ITCH: variants seen among roughly 807,000 people sequenced by gnomAD.
ITCH encodes itchy E3 ubiquitin protein ligase, also known as E3 ubiquitin-protein ligase Itchy homolog.
In ITCH, 28 loss-of-function variants were observed where a neutral mutation model predicts 126.8. The observed-to-expected ratio is 0.22, with a 90% CI of 0.16 to 0.30. The LOEUF is 0.30. ITCH is among the 10% of genes least tolerant of loss of function. The pLI, the probability that ITCH is intolerant of heterozygous loss-of-function variation, is 1.00. For synonymous variants in ITCH, 342 were observed against 340.0 expected, an observed-to-expected ratio of 1.01 and a Z score of -0.06; for missense variants, 631 against 1,032.4, an observed-to-expected ratio of 0.61 and a Z score of 5.33.
intron 11 of ITCH, among the ~76,000 whole-genome samples, chr20:34,447,159 T>TCA (rs1984563991): frequency 6.8e-6 from 1 of 146,476 alleles, no homozygotes; most frequent in Non-Finnish European, 1.5e-5. Flanking sequence ...GATTTAGTAC[T>TCA]CAGAGTCTTT....
chr20:34,498,514 A>G (rs1199858309), intron 23 of ITCH, among the ~76,000 whole-genome samples: 1 of 152,212 alleles, frequency 6.6e-6, no homozygotes, highest in Admixed American at 6.5e-5. Context: ...TTCTGTGCCT[A>G]ACTTGTTGAG....
intron 3 of ITCH, chr20:34,401,589 C>G (rs2038885845): frequency 1.1e-6 from 1 of 934,388 alleles, no homozygotes; most frequent in Non-Finnish European, 1.3e-6. Context: ...TTAAATGAGG[C>G]ATTTACTATA....
chr20:34,463,248 G>A lies in ITCH; in HGVS notation c.1424+1027G>A, dbSNP rs566363165. ...CATGGTGGCGCACACCTGTAATCCCGGCTACTCGGGAGTGTGAGGCAGGAG... is the reference window on the plus strand; with the variant it reads ...CATGGTGGCGCACACCTGTAATCCCAGCTACTCGGGAGTGTGAGGCAGGAG... On this transcript the variant is annotated intron_variant, in intron 14 of 24. Transcript: ENST00000374864. 8.5e-5 allele frequency among the ~76,000 whole-genome samples: 13 copies of A among 152,186 alleles called. No homozygotes were observed. In the South Asian group the frequency reaches 1.2e-3, roughly 15 times the overall value.
At chr20:34,418,152 A>G (rs553756714) in intron 6 of ITCH, among the ~76,000 whole-genome samples, 1 of 151,768 alleles carries the variant, frequency 6.6e-6, no homozygotes, top group African/African-American at 2.4e-5. Flanking sequence ...TTTTTTGTAG[A>G]CAGGTTCTCA....
At chr20:34,485,790 C>T (rs1314621632) in intron 20 of ITCH, among the ~76,000 whole-genome samples, 2 of 152,126 alleles carry the variant, frequency 1.3e-5, no homozygotes, top group South Asian at 2.1e-4. Context: ...TCAAAGGATC[C>T]CCCTGCCTCA....
At chr20:34,365,703 C>A (rs2037396748) in intron 1 of ITCH, among the ~76,000 whole-genome samples, 1 of 152,224 alleles carries the variant, frequency 6.6e-6, no homozygotes, top group Non-Finnish European at 1.5e-5. Flanking sequence ...GCATGAGCCG[C>A]CACTCCTGGC....
chr20:34,381,602 T>A (rs931606821), intron 2 of ITCH, among the ~76,000 whole-genome samples: 6 of 151,938 alleles, frequency 3.9e-5, no homozygotes, highest in African/African-American at 1.5e-4. Flanking sequence ...AATTTTTTGT[T>A]TTTTTAGTAG....
intron 6 of ITCH, among the ~76,000 whole-genome samples, chr20:34,424,118 C>T (rs1425335874): frequency 2.6e-5 from 4 of 151,930 alleles, no homozygotes; most frequent in Non-Finnish European, 4.4e-5. Flanking sequence ...ATTCTGCTGG[C>T]GATCAGCACT....
At chr20:34,423,533 T>C (rs1343605012) in intron 6 of ITCH, among the ~76,000 whole-genome samples, 2 of 152,202 alleles carry the variant, frequency 1.3e-5, no homozygotes, top group East Asian at 3.8e-4. Context: ...TGATCATTTT[T>C]CTTTCTCTTT....
rs187422265 is a variant in ITCH at position 34,367,315 on chromosome 20, C to T, written c.-98-2079C>T. 1.9e-3 allele frequency among the ~76,000 whole-genome samples: 286 copies of T among 152,190 alleles called. 6 individuals are homozygous for T. In the South Asian group the frequency reaches 0.045, roughly 24 times the overall value. On this transcript the variant is annotated intron_variant, in intron 1 of 24. Transcript: ENST00000374864. ...GCCTCAGCCTCCCAAGTAGCTGCCTCCCAAGTAGCTGGAATTAGAGGTGCA... is the reference window on the plus strand; with the variant it reads ...GCCTCAGCCTCCCAAGTAGCTGCCTTCCAAGTAGCTGGAATTAGAGGTGCA...
At chr20:34,372,885 G>A (rs536445997) in intron 2 of ITCH, among the ~76,000 whole-genome samples, 27 of 152,100 alleles carry the variant, frequency 1.8e-4, no homozygotes, top group African/African-American at 6.3e-4. Context: ...TAAAAAGGAA[G>A]TTGGTAAATG....
intron 13 of ITCH, among the ~76,000 whole-genome samples, chr20:34,458,244 G>C (rs939744957): frequency 6.6e-6 from 1 of 151,992 alleles, no homozygotes; most frequent in Admixed American, 6.6e-5. Context: ...GAAGTCAAAG[G>C]GTGTTAAAAA....
At chr20:34,452,592 G>T (rs771440426) in intron 12 of ITCH, among the ~76,000 whole-genome samples, 4 of 152,172 alleles carry the variant, frequency 2.6e-5, no homozygotes, top group Non-Finnish European at 5.9e-5. Context: ...CAGGTTGATA[G>T]AATCCCATCT....
intron 6 of ITCH, chr20:34,417,271 T>A (rs750337936): frequency 1.6e-4 from 81 of 506,658 alleles, no homozygotes; most frequent in African/African-American, 1.5e-3. Flanking sequence ...TAATTTTGTA[T>A]TTTTTAGTAG....
At chr20:34,476,414 C>T in intron 16 of ITCH, 1 of 1,237,322 alleles carries the variant, frequency 8.1e-7, no homozygotes, top group Non-Finnish European at 1.0e-6. Context: ...CACCGGCCGG[C>T]CGGGTCGCCG....
At chr20:34,418,261 G>A (rs1377513541) in intron 6 of ITCH, among the ~76,000 whole-genome samples, 2 of 151,834 alleles carry the variant, frequency 1.3e-5, no homozygotes, top group African/African-American at 4.8e-5. Context: ...CACCACTCCC[G>A]GCCACTTTTA....
At chr20:34,436,026 G>C (rs557234254) in intron 7 of ITCH, among the ~76,000 whole-genome samples, 1 of 152,260 alleles carries the variant, frequency 6.6e-6, no homozygotes, top group South Asian at 2.1e-4. Context: ...TGACTCCATT[G>C]AAAAATTGAG....
intron 2 of ITCH, among the ~76,000 whole-genome samples, chr20:34,376,614 C>G (rs907845844): frequency 2.6e-5 from 4 of 151,966 alleles, no homozygotes; most frequent in Non-Finnish European, 4.4e-5. Flanking sequence ...GAATGGACTT[C>G]AGGGGGTGGA....
At chr20:34,486,780 G>A (rs548086230) in intron 20 of ITCH, among the ~76,000 whole-genome samples, 12 of 143,966 alleles carry the variant, frequency 8.3e-5, no homozygotes, top group Admixed American at 2.8e-4. Flanking sequence ...TCACGGCAGC[G>A]TCCAATTCCA....
Sources: allele counts gnomAD v4.1 joint callset (sites outside exome capture counted in the v4.1 genomes callset), GRCh38; gene constraint gnomAD v4.1.1; transcripts MANE v1.5; gene names NCBI Gene and HGNC (gene_info 2026-07-23, HGNC 2026-07-21).